TTLL5: variants seen among roughly 807,000 people sequenced by gnomAD.
TTLL5 encodes the protein tubulin tyrosine ligase like 5.
TTLL5 carries 132 observed loss-of-function variants against 168.4 expected under a neutral mutation model. That is an observed-to-expected ratio of 0.78 (90% CI 0.68 to 0.91). The LOEUF is 0.91. TTLL5 is among the 40% of genes least tolerant of loss of function. TTLL5 has a pLI of 0.00. For missense variants in TTLL5, 1,545 were observed against 1,581.5 expected (o/e 0.98, Z 0.39); for synonymous variants, 546 against 558.6 (o/e 0.98, Z 0.32).
chr14:75,776,692 T>C, intron 22 of TTLL5, 55 bp from the exon 23 acceptor site: 1 of 1,310,134 alleles, frequency 7.6e-7, no homozygotes, highest in Non-Finnish European at 1.1e-6. Context: ...AGTGCATATT[T>C]ATTAGGAGTC....
chr14:75,805,641 ATATTGCAGAACAT>A lies in TTLL5; in HGVS notation c.3171+12543_3171+12555del, dbSNP rs1417348313. Among the ~76,000 whole-genome samples, 3 of 152,336 alleles carry A rather than the reference ATATTGCAGAACAT, an allele frequency of 2.0e-5. No individual in the cohort carries two copies. In the South Asian group the frequency reaches 6.2e-4, roughly 32 times the overall value. ...ACCTGTGAGACATTTCTACCTAACT[ATATTGCAGAACAT>A]TCAAAATACTTGATGTATTTTGAAC... On this transcript the variant is annotated intron_variant, in intron 27 of 31. Transcript: ENST00000298832.
At position 75,813,325 on chromosome 14, in the gene TTLL5, A is replaced by C. The variant is rs1027530782; in HGVS notation, c.3172-6682A>C. On this transcript the variant is annotated intron_variant, in intron 27 of 31. Transcript: ENST00000298832. ...GTGTGTGTGTGTGTGTGTTTGAGACAGCGTCTTGCTCTATTATCCAGGCTG... is the reference window on the plus strand; with the variant it reads ...GTGTGTGTGTGTGTGTGTTTGAGACCGCGTCTTGCTCTATTATCCAGGCTG... Among the ~76,000 whole-genome samples the C allele has an allele frequency of 3.2e-4, 46 of 142,014 alleles. 1 individual carries two copies. Among genetic ancestry groups the C allele is most frequent in the Non-Finnish European group, 1.8e-4 (12 of 66,270 alleles). 93.2% of individuals were successfully genotyped at this position (142,014 alleles called of 152,430 possible).
chr14:75,773,294 C>G (rs1891456192), intron 21 of TTLL5, among the ~76,000 whole-genome samples: 1 of 152,032 alleles, frequency 6.6e-6, no homozygotes, highest in Admixed American at 6.6e-5. Flanking sequence ...TTTGTCTGCT[C>G]CACTGTGAAA....
At chr14:75,679,280 T>A (rs113293473) in intron 3 of TTLL5, among the ~76,000 whole-genome samples, 138 of 152,194 alleles carry the variant, frequency 9.1e-4, no homozygotes, top group African/African-American at 3.1e-3. Context: ...GCCAGAGTGT[T>A]GTGATGTGAA....
intron 31 of TTLL5, among the ~76,000 whole-genome samples, chr14:75,919,884 G>T (rs1260902180): frequency 6.6e-6 from 1 of 152,044 alleles, no homozygotes; most frequent in Non-Finnish European, 1.5e-5. Flanking sequence ...ATTTTGGGAG[G>T]CCAAGGCAGG....
chr14:75,798,366 G>T (rs1270919263), intron 27 of TTLL5, among the ~76,000 whole-genome samples: 2 of 150,866 alleles, frequency 1.3e-5, no homozygotes, highest in Non-Finnish European at 3.0e-5. Flanking sequence ...CTTGCTAGTG[G>T]TCTGTCAATT....
rs1594860562 is a variant in TTLL5, at chr14:75,681,613, C to T, written c.250C>T (p.His84Tyr). The change falls in exon 4 of 32, where the codon CAT becomes TAT. Residue 84 changes from histidine (H) to tyrosine (Y), a missense_variant. His to Tyr is a moderately conservative substitution (Grantham distance 83). Coordinates refer to ENST00000298832, the MANE Select transcript of TTLL5 (RefSeq NM_015072.5). ...SRLVRSILTA[H>Y]GFHEVHPSST... ...CCTAGTACGCAGCATTCTGACAGCC[C>T]ATGGATTTCATGAAGTAAGTTTATT... is the stretch of plus-strand genomic sequence containing the variant. The T allele has an allele frequency of 6.2e-7, 1 of 1,613,094 alleles. No homozygotes were observed. The highest frequency in any genetic ancestry group is 1.1e-5 in the South Asian group (1 of 91,076).
Position 75,719,931 on chromosome 14 carries a change from C to T in TTLL5, c.934+105C>T, listed in dbSNP as rs569998320. The T allele has an allele frequency of 3.9e-4, 470 of 1,208,018 alleles. 9 individuals carry two copies. The South Asian group carries it at 4.9e-3, about 13-fold the overall frequency. The allele number at this position is 1,208,018 out of a possible 1,614,324, so 74.8% of individuals were successfully genotyped here. On this transcript the variant is annotated intron_variant, in intron 11 of 31. Coordinates refer to ENST00000298832, the MANE Select transcript of TTLL5 (RefSeq NM_015072.5). ...TGTTGCTTTGATAGTGTTGCTGAGA[C>T]GGGATGATTGTCCTTGGTGTTACTT...
intron 7 of TTLL5, among the ~76,000 whole-genome samples, chr14:75,705,849 G>A (rs1886619795): frequency 6.6e-6 from 1 of 151,650 alleles, no homozygotes; most frequent in South Asian, 2.1e-4. Flanking sequence ...CTAATCACAT[G>A]TGAAGGTTTT....
intron 28 of TTLL5, among the ~76,000 whole-genome samples, chr14:75,833,868 A>G (rs1360097401): frequency 2.6e-5 from 4 of 152,270 alleles, no homozygotes; most frequent in East Asian, 1.9e-4. Context: ...TAAATTTTCC[A>G]TTTGATCTCT....
At chr14:75,674,417 G>A (rs575453293) in intron 3 of TTLL5, among the ~76,000 whole-genome samples, 1 of 152,170 alleles carries the variant, frequency 6.6e-6, no homozygotes. Context: ...CCCCTGAGAA[G>A]TGTATCTGGG....
At chr14:75,805,353 G>T (rs1317243815) in intron 27 of TTLL5, among the ~76,000 whole-genome samples, 1 of 152,186 alleles carries the variant, frequency 6.6e-6, no homozygotes. Context: ...GATCTTATGT[G>T]TATAAAGTTG....
At chr14:75,849,636 A>C (rs920461247) in intron 28 of TTLL5, among the ~76,000 whole-genome samples, 1 of 152,232 alleles carries the variant, frequency 6.6e-6, no homozygotes, top group Non-Finnish European at 1.5e-5. Flanking sequence ...TGATTCATGA[A>C]AAAAGTAAGT....
intron 27 of TTLL5, among the ~76,000 whole-genome samples, chr14:75,798,531 C>G (rs951385162): frequency 2.0e-5 from 3 of 151,928 alleles, no homozygotes; most frequent in African/African-American, 7.3e-5. Context: ...TCTTGTTTCT[C>G]TAGTTCTCTG....
intron 31 of TTLL5, among the ~76,000 whole-genome samples, chr14:75,922,721 T>C (rs1375246359): frequency 6.6e-6 from 1 of 152,238 alleles, no homozygotes; most frequent in African/African-American, 2.4e-5. Context: ...GGGGCTTTGG[T>C]ATCAGGATGA....
chr14:75,918,203 C>T (rs2033687651), intron 31 of TTLL5, among the ~76,000 whole-genome samples: 1 of 152,188 alleles, frequency 6.6e-6, no homozygotes, highest in Non-Finnish European at 1.5e-5. Flanking sequence ...ATATCATTGG[C>T]CAACACTGGC....
At chr14:75,885,694 G>T (rs1271092134) in intron 30 of TTLL5, among the ~76,000 whole-genome samples, 10 of 152,326 alleles carry the variant, frequency 6.6e-5, no homozygotes, top group African/African-American at 1.7e-4. Context: ...CTGAGTATCA[G>T]TTGATATATT....
chr14:75,667,908 G>A (rs1202987131), intron 2 of TTLL5, among the ~76,000 whole-genome samples: 4 of 151,728 alleles, frequency 2.6e-5, no homozygotes, highest in African/African-American at 9.7e-5. Context: ...CTACAGGTGC[G>A]GGCCACCACA....
chr14:75,788,930 A>G (rs948900946), intron 26 of TTLL5, among the ~76,000 whole-genome samples: 2 of 152,212 alleles, frequency 1.3e-5, no homozygotes, highest in Non-Finnish European at 2.9e-5. Context: ...AAGGAATGTA[A>G]GAGGGGTTTA....
Sources: allele counts gnomAD v4.1 joint callset (sites outside exome capture counted in the v4.1 genomes callset), GRCh38; gene constraint gnomAD v4.1.1; transcripts MANE v1.5; gene names NCBI Gene and HGNC (gene_info 2026-07-23, HGNC 2026-07-21).